SPMIP4: variants seen among roughly 807,000 people sequenced by gnomAD.
SPMIP4 encodes the protein sperm microtubule inner protein 4, also known as sperm-associated microtubule inner protein 4.
At chr7:25,179,055 A>C in the SPMIP4 span, 1 of 1,207,408 alleles carries the variant, frequency 8.3e-7, no homozygotes, top group Admixed American at 2.8e-5. Flanking sequence ...ACAAACAAAC[A>C]AACAAACAAA....
chr7:25,138,543 G>A, the SPMIP4 span, among the ~76,000 whole-genome samples: 84 of 152,258 alleles, frequency 5.5e-4, no homozygotes, highest in South Asian at 0.013. The surrounding 1 kb of genome is among the most constrained non-coding windows in gnomAD (Gnocchi z 6.2). Flanking sequence ...CTGTTGCCAT[G>A]TTCTAATAAA....
At chr7:25,173,726 G>A in the SPMIP4 span, among the ~76,000 whole-genome samples, 2 of 152,164 alleles carry the variant, frequency 1.3e-5, no homozygotes, top group Admixed American at 6.5e-5. The surrounding 1 kb of genome is among the most constrained non-coding windows in gnomAD (Gnocchi z 4.4). Flanking sequence ...TAATATCTAA[G>A]TTTGTAAAAG....
the SPMIP4 span, among the ~76,000 whole-genome samples, chr7:25,145,047 A>G: frequency 1.3e-5 from 2 of 149,272 alleles, no homozygotes; most frequent in African/African-American, 5.0e-5. Flanking sequence ...ACTACAACCT[A>G]TGCCTCCCGG....
the SPMIP4 span, among the ~76,000 whole-genome samples, chr7:25,166,412 C>T: frequency 6.6e-6 from 1 of 151,620 alleles, no homozygotes; most frequent in Non-Finnish European, 1.5e-5. Flanking sequence ...ACGGTGAAAC[C>T]CCGTCTCTAC....
chr7:25,140,518 T>A, the SPMIP4 span, among the ~76,000 whole-genome samples: 1 of 152,086 alleles, frequency 6.6e-6, no homozygotes, highest in African/African-American at 2.4e-5. Flanking sequence ...GCCAGGCTGG[T>A]CTCCAACTCC....
At chr7:25,176,907 C>T in the SPMIP4 span, among the ~76,000 whole-genome samples, 1 of 152,098 alleles carries the variant, frequency 6.6e-6, no homozygotes, top group African/African-American at 2.4e-5. This position sits in a 1 kb window ranked among gnomAD's most constrained non-coding sequence, Gnocchi z 4.4. Context: ...AAAGGCTAAG[C>T]GCAAGAAGAA....
At chr7:25,135,903 C>T in the SPMIP4 span, 61 of 1,507,292 alleles carry the variant, frequency 4.0e-5, no homozygotes, top group Middle Eastern at 5.3e-4. Context: ...TCCAGCAATA[C>T]GAAGGAAATT....
the SPMIP4 span, among the ~76,000 whole-genome samples, chr7:25,156,896 C>T: frequency 1.3e-5 from 2 of 152,084 alleles, no homozygotes; most frequent in Non-Finnish European, 2.9e-5. Flanking sequence ...ACCATGTTGG[C>T]CAGGCTGGTC....
chr7:25,155,907 C>T, the SPMIP4 span, among the ~76,000 whole-genome samples: 1 of 152,060 alleles, frequency 6.6e-6, no homozygotes, highest in African/African-American at 2.4e-5. Flanking sequence ...AAATGTTATT[C>T]ATAACAAGAA....
the SPMIP4 span, chr7:25,142,685 G>A: frequency 1.2e-6 from 2 of 1,613,130 alleles, no homozygotes; most frequent in Non-Finnish European, 1.7e-6. Context: ...GACCTCTCAA[G>A]ATTTCTTTGT....
At chr7:25,151,316 G>A in the SPMIP4 span, among the ~76,000 whole-genome samples, 1 of 151,726 alleles carries the variant, frequency 6.6e-6, no homozygotes, top group South Asian at 2.1e-4. Context: ...TCACCTCCCA[G>A]GTTCAAGCGA....
At chr7:25,161,169 G>C in the SPMIP4 span, 1 of 1,441,968 alleles carries the variant, frequency 6.9e-7, no homozygotes, top group Non-Finnish European at 9.4e-7. Flanking sequence ...TTTTATATAA[G>C]GAAAAAAACC....
At chr7:25,180,045 C>T in the SPMIP4 span, 2 of 152,192 alleles carry the variant, frequency 1.3e-5, no homozygotes, top group African/African-American at 4.8e-5. Context: ...CTTCGCGGGC[C>T]GAGGAATTTT....
the SPMIP4 span, among the ~76,000 whole-genome samples, chr7:25,159,309 A>G: frequency 6.6e-6 from 1 of 152,184 alleles, no homozygotes; most frequent in Non-Finnish European, 1.5e-5. Context: ...AGCAGAGGGA[A>G]TAGAACAAAA....
chr7:25,167,447 G>A, the SPMIP4 span, among the ~76,000 whole-genome samples: 27,769 of 152,168 alleles, frequency 0.18, 3,663 homozygotes, highest in African/African-American at 0.37. Context: ...ATGAATGAAT[G>A]TGAGGTCCTC....
the SPMIP4 span, among the ~76,000 whole-genome samples, chr7:25,132,135 TC>T: frequency 6.6e-6 from 1 of 152,230 alleles, no homozygotes; most frequent in Non-Finnish European, 1.5e-5. This position sits in a 1 kb window ranked among gnomAD's most constrained non-coding sequence, Gnocchi z 5.0. Flanking sequence ...TGGGTTTCTA[TC>T]CCGATCATTG....
the SPMIP4 span, among the ~76,000 whole-genome samples, chr7:25,129,334 T>C: frequency 1.3e-5 from 2 of 152,214 alleles, no homozygotes; most frequent in African/African-American, 4.8e-5. Context: ...ATGACTCCTC[T>C]CTAGCTAGGG....
chr7:25,135,488 G>GT, the SPMIP4 span: 2 of 986,022 alleles, frequency 2.0e-6, no homozygotes, highest in Non-Finnish European at 2.4e-6. Flanking sequence ...TTAACTAGGT[G>GT]TTTGGGTTTT....
the SPMIP4 span, among the ~76,000 whole-genome samples, chr7:25,164,944 GA>G: frequency 6.6e-6 from 1 of 152,192 alleles, no homozygotes; most frequent in Non-Finnish European, 1.5e-5. Flanking sequence ...AGGTTGCTGT[GA>G]ATGCCATTAT....
Sources: gnomAD v4.1 joint callset for allele counts (sites outside exome capture counted in the v4.1 genomes callset) on GRCh38, gnomAD v4.1.1 for gene constraint, Gnocchi (gnomAD v3.1) non-coding constraint, MANE v1.5 for transcripts, NCBI Gene and HGNC (gene_info 2026-07-23, HGNC 2026-07-21) for gene names.